SULT1C2: variants seen among roughly 807,000 people sequenced by gnomAD.
SULT1C2 encodes the protein sulfotransferase family 1C member 2.
Under a neutral mutation model 36.0 loss-of-function variants are expected in SULT1C2, and 27 were observed. The observed-to-expected ratio is 0.75, with a 90% CI of 0.55 to 1.03. The LOEUF (loss-of-function observed/expected upper bound fraction) is 1.03, where lower values mean the gene tolerates loss of function less well. SULT1C2 is among the 50% of genes least tolerant of loss of function. The probability of loss-of-function intolerance (pLI) is 0.00; values close to 1 mark genes in which losing one functional copy is unlikely to be tolerated. For synonymous variants in SULT1C2, 121 were observed against 116.0 expected (o/e 1.04, Z -0.27); for missense variants, 395 against 359.2 (o/e 1.10, Z -0.80).
chr2:108,306,239 C>T (rs1050463621), intron 7 of SULT1C2, among the ~76,000 whole-genome samples: 1 of 152,188 alleles, frequency 6.6e-6, no homozygotes, highest in Non-Finnish European at 1.5e-5. Flanking sequence ...GGAATTCTAA[C>T]TGGCCCATCT....
intron 1 of SULT1C2, among the ~76,000 whole-genome samples, chr2:108,291,606 A>T (rs371770257): frequency 1.3e-5 from 2 of 151,872 alleles, no homozygotes; most frequent in African/African-American, 4.9e-5. Flanking sequence ...TTAAATTCAC[A>T]ATAAAAAAAA....
rs766816360 is a variant in SULT1C2, at chr2:108,305,465, G to A, written c.648G>A (p.Val216=). ...RKVMQFMGKK[V]DETVLDKIVQ... is the part of the protein sequence containing the mutation. The stretch of plus-strand genomic sequence containing the variant: ...TGATGCAGTTCATGGGAAAGAAGGT[G>A]GATGAAACAGTGCTAGATAAAATTG... Residue 216 remains valine (V), a synonymous_variant, in exon 7 of 8, where the codon GTG becomes GTA. Transcript: ENST00000251481. 6.2e-7 allele frequency: 1 copy of A among 1,614,120 alleles called. No individual in the cohort carries two copies. The highest frequency in any genetic ancestry group is 8.5e-7 in the Non-Finnish European group (1 of 1,180,018).
chr2:108,302,281 A>C (rs1676902626), intron 4 of SULT1C2: 1 of 152,260 alleles, frequency 6.6e-6, no homozygotes, highest in Admixed American at 6.5e-5. Flanking sequence ...TGAGGAGCCA[A>C]AGCTGGGACC....
chr2:108,299,278 T>C (rs1183533116), intron 3 of SULT1C2: 1 of 152,258 alleles, frequency 6.6e-6, no homozygotes, highest in Non-Finnish European at 1.5e-5. Flanking sequence ...CCCTCTTCAC[T>C]TTCGTCCCTG....
intron 1 of SULT1C2, among the ~76,000 whole-genome samples, chr2:108,289,566 T>C (rs1676540772): frequency 6.6e-6 from 1 of 152,154 alleles, no homozygotes; most frequent in African/African-American, 2.4e-5. Flanking sequence ...TAGGATCCCA[T>C]GGAAAGGAGT....
intron 1 of SULT1C2, among the ~76,000 whole-genome samples, chr2:108,290,929 A>G (rs151037254): frequency 1.5e-4 from 23 of 152,384 alleles, no homozygotes; most frequent in African/African-American, 5.5e-4. Flanking sequence ...TATCACTGCC[A>G]TAACAAATTA....
intron 1 of SULT1C2, among the ~76,000 whole-genome samples, chr2:108,292,039 C>A (rs1425354680): frequency 6.6e-6 from 1 of 152,238 alleles, no homozygotes; most frequent in Admixed American, 6.5e-5. Context: ...CCTCACTAAT[C>A]TGGGCACCTA....
At chr2:108,305,751 G>A in intron 7 of SULT1C2, 156 bp downstream of exon 7, 1 of 950,176 alleles carries the variant, frequency 1.1e-6, no homozygotes, top group Non-Finnish European at 1.6e-6. Flanking sequence ...TCCTGTTGTA[G>A]AAGAGAGCTT....
In SULT1C2 at chr2:108,293,740, A is replaced by AGG; in HGVS notation, c.73_74insGG (p.Thr25ArgfsTer38). 6 of 1,614,120 alleles carry AGG rather than the reference A, an allele frequency of 3.7e-6. No homozygotes were observed. Among genetic ancestry groups the AGG allele is most frequent in the Non-Finnish European group, 5.1e-6 (6 of 1,180,016 alleles). Reference sequence around the variant, plus strand: ...GGAGGGGACCCTCCTGCAGCCTGCAACTGTGGACAACTGGAGCCAGATCCA... The same window carrying AGG: ...GGAGGGGACCCTCCTGCAGCCTGCAAGGCTGTGGACAACTGGAGCCAGATCCA... On this transcript the variant is annotated frameshift_variant, in exon 2 of 8. Coordinates refer to ENST00000251481, the MANE Select transcript of SULT1C2 (RefSeq NM_001056.4). LOFTEE classifies it high-confidence loss of function.
At chr2:108,304,488 A>G in intron 4 of SULT1C2, 86 bp from the exon 5 acceptor site, 1 of 1,466,356 alleles carries the variant, frequency 6.8e-7, no homozygotes, top group Non-Finnish European at 9.2e-7. Flanking sequence ...GTGCACAGCA[A>G]CCCTCAGGAT....
intron 1 of SULT1C2, 143 bp from the exon 2 acceptor site, chr2:108,293,504 G>A: frequency 1.4e-6 from 1 of 715,510 alleles, no homozygotes; most frequent in Non-Finnish European, 2.0e-6. Context: ...TTCTAGAAAA[G>A]ATGGTTATAA....
At position 108,293,864 on chromosome 2, in the gene SULT1C2, C is replaced by T. The variant is rs754244834; in HGVS notation, c.151+46C>T. On this transcript the variant is annotated intron_variant, in intron 2 of 7. Coordinates refer to ENST00000251481, the MANE Select transcript of SULT1C2 (RefSeq NM_001056.4). ...ACAGCAAAGACCTGCTGAGCCAGCA[C>T]AGGCTCATCACTTAAGTTAGAATTC... 6 of 1,588,546 alleles carry T rather than the reference C, an allele frequency of 3.8e-6. No homozygotes were observed. In the South Asian group the frequency reaches 6.9e-5, roughly 18 times the overall value.
intron 7 of SULT1C2, among the ~76,000 whole-genome samples, chr2:108,305,851 A>G (rs1235005369): frequency 6.6e-6 from 1 of 152,218 alleles, no homozygotes; most frequent in African/African-American, 2.4e-5. Context: ...AAGATTCACC[A>G]TGGACAATAA....
chr2:108,292,012 G>A (rs556319984), intron 1 of SULT1C2, among the ~76,000 whole-genome samples: 18 of 152,140 alleles, frequency 1.2e-4, no homozygotes, highest in Non-Finnish European at 2.2e-4. Flanking sequence ...GGAAGCAGAA[G>A]CCACCATGAA....
chr2:108,294,325 T>G lies in SULT1C2; in HGVS notation c.248T>G (p.Ile83Ser). ...ATCATCCAACACCGCCATCCTTTCA[T>G]TGAGTGGGCTCGGCCACCCCAACCT... ...RAIIQHRHPFIEWARPPQPSG... is the reference protein window; with the variant it reads ...RAIIQHRHPFSEWARPPQPSG... Residue 83 changes from isoleucine (I) to serine (S), a missense_variant, in exon 3 of 8, where the codon ATT (isoleucine) becomes AGT (serine). Ile to Ser is a moderately radical substitution (Grantham distance 142). Transcript: ENST00000251481. 6.2e-7 allele frequency: 1 copy of G among 1,613,934 alleles called. No individual in the cohort carries two copies. Among genetic ancestry groups the G allele is most frequent in the Non-Finnish European group, 8.5e-7 (1 of 1,179,888 alleles).
At position 108,304,610 on chromosome 2, in the gene SULT1C2, G is replaced by C. The variant is rs1290067456; in HGVS notation, c.412G>C (p.Val138Leu). The C allele has an allele frequency of 1.9e-5, 30 of 1,613,364 alleles. No homozygotes were observed. The highest frequency in any genetic ancestry group is 2.5e-5 in the Non-Finnish European group (29 of 1,179,776). ...AGCTCGAAATGCCAAAGACTGTATG[G>C]TTTCCTACTACCATTTCCAAAGGAT... ...YVARNAKDCM[V>L]SYYHFQRMNH... The change falls in exon 5 of 8, where the codon GTT (valine) becomes CTT (leucine). Residue 138 changes from valine to leucine, a missense_variant. By Grantham distance (32) the Val-to-Leu change is conservative (BLOSUM62 1). Coordinates refer to ENST00000251481, the MANE Select transcript of SULT1C2 (RefSeq NM_001056.4).
intron 7 of SULT1C2, among the ~76,000 whole-genome samples, 177 bp from the exon 8 acceptor site, chr2:108,308,175 C>T (rs1677068337): frequency 6.6e-6 from 1 of 152,184 alleles, no homozygotes; most frequent in African/African-American, 2.4e-5. Context: ...TGCACAGAGT[C>T]CCCTAGGCCT....
At chr2:108,290,538 AT>A (rs1676565714) in intron 1 of SULT1C2, among the ~76,000 whole-genome samples, 1 of 152,206 alleles carries the variant, frequency 6.6e-6, no homozygotes, top group Admixed American at 6.5e-5. Context: ...TAAGAGGTTT[AT>A]TTTGAATCAT....
At chr2:108,306,087 T>G (rs1440443724) in intron 7 of SULT1C2, among the ~76,000 whole-genome samples, 1 of 152,170 alleles carries the variant, frequency 6.6e-6, no homozygotes, top group Non-Finnish European at 1.5e-5. Context: ...TTCTCCCACT[T>G]TATAACTTCT....
Sources: gnomAD v4.1 joint callset for allele counts (sites outside exome capture counted in the v4.1 genomes callset) on GRCh38, gnomAD v4.1.1 for gene constraint, MANE v1.5 for transcripts, NCBI Gene and HGNC (gene_info 2026-07-23, HGNC 2026-07-21) for gene names.